MDH1B: variants seen among roughly 807,000 people sequenced by gnomAD.
MDH1B encodes the protein malate dehydrogenase 1B.
A neutral mutation model predicts 61.4 loss-of-function variants in MDH1B; 60 were observed. That is an observed-to-expected ratio of 0.98 (90% CI 0.79 to 1.21). MDH1B has a LOEUF of 1.21. Among genes scored for constraint, MDH1B ranks in the 50% most tolerant of loss-of-function variants. MDH1B has a pLI of 0.00. For synonymous variants in MDH1B, 236 were observed against 218.7 expected (o/e 1.08, Z -0.70); for missense variants, 587 against 632.1 (o/e 0.93, Z 0.76).
chr2:206,745,730 CTTTTTTTTTTTT>C (rs140066038), intron 8 of MDH1B, 57 bp from the exon 9 acceptor site: 24 of 748,574 alleles, frequency 3.2e-5, no homozygotes, highest in Non-Finnish European at 4.7e-5. Context: ...CTTAATTCTT[CTTTTTTTTTTTT>C]TTTTTTTTGA....
chr2:206,751,476 T>C (rs1178504328), intron 5 of MDH1B, among the ~76,000 whole-genome samples: 2 of 152,174 alleles, frequency 1.3e-5, no homozygotes, highest in Non-Finnish European at 2.9e-5. Flanking sequence ...CTTTGGTTTT[T>C]CACAAGGAGT....
rs1224981978 is a variant in MDH1B at position 206,757,252 on chromosome 2, G to A, written c.255C>T (p.Phe85=). Residue 85 remains phenylalanine, a synonymous_variant, in exon 3 of 12, where the codon TTC becomes TTT. Transcript: ENST00000374412. ...KGLLLGGYNE[F]LEHAQLYYDV... Reference sequence around the variant, plus strand: ...ACTTATATACCTGAGCATGCTCCAGGAACTCATTATATCCTCCCAAAAGCA... The same window carrying A: ...ACTTATATACCTGAGCATGCTCCAGAAACTCATTATATCCTCCCAAAAGCA... 29 of 1,613,688 alleles carry A rather than the reference G, an allele frequency of 1.8e-5. No individual in the cohort carries two copies. The highest frequency in any genetic ancestry group is 2.5e-5 in the Non-Finnish European group (29 of 1,179,692).
intron 7 of MDH1B, among the ~76,000 whole-genome samples, chr2:206,747,983 A>G (rs1270714077): frequency 6.6e-6 from 1 of 152,196 alleles, no homozygotes; most frequent in Non-Finnish European, 1.5e-5. Context: ...TCTGGGAGTG[A>G]ATTAGCTTGC....
chr2:206,746,563 C>A (rs1688124500), intron 7 of MDH1B, 137 bp from the exon 8 acceptor site: 6 of 1,003,374 alleles, frequency 6.0e-6, no homozygotes, highest in Non-Finnish European at 8.3e-6. Flanking sequence ...TCTCGGAATT[C>A]TTCTCCAAAG....
At chr2:206,757,107 A>T in intron 3 of MDH1B, 67 bp from the exon 4 acceptor site, 1 of 1,559,058 alleles carries the variant, frequency 6.4e-7, no homozygotes, top group Non-Finnish European at 8.7e-7. Context: ...GCTATAATGG[A>T]AAGTTTTTGT....
At chr2:206,745,251 CAG>C (rs1004576043) in intron 9 of MDH1B, 2 of 370,178 alleles carry the variant, frequency 5.4e-6, no homozygotes, top group East Asian at 7.7e-5. Context: ...CTCAAGCCTT[CAG>C]AGAGAGTGTG....
Position 206,749,023 on chromosome 2 carries a change from C to T in MDH1B, c.1213G>A (p.Glu405Lys). 1 of 1,612,220 alleles carries T rather than the reference C, an allele frequency of 6.2e-7. No individual in the cohort carries two copies. Among genetic ancestry groups the T allele is most frequent in the Non-Finnish European group, 8.5e-7 (1 of 1,179,268 alleles). The change falls in exon 7 of 12, where the codon GAA (glutamate) becomes AAA (lysine). Residue 405 changes from glutamate to lysine, a missense_variant. Glu to Lys is a moderately conservative substitution (Grantham distance 56). Transcript: ENST00000374412. ...GATATGAAAAACCCAGATTTACCTTCACTCAATATTCCTAAAGATACAATC... is the reference window on the plus strand; with the variant it reads ...GATATGAAAAACCCAGATTTACCTTTACTCAATATTCCTAAAGATACAATC... ...GEIVSLGILS[E>K]GQFGIPKGIV... is the part of the protein sequence containing the mutation.
chr2:206,760,967 G>A lies in MDH1B; in HGVS notation c.69C>T (p.Asp23=). The A allele has an allele frequency of 6.2e-7, 1 of 1,612,648 alleles. No individual in the cohort carries two copies. Among genetic ancestry groups the A allele is most frequent in the Non-Finnish European group, 8.5e-7 (1 of 1,178,956 alleles). The stretch of plus-strand genomic sequence containing the variant: ...AATCAGGAAGATTCTTTTGTAAATA[G>A]TCTGCCACAAGTTCTGTTTTAGCAT... The part of the protein sequence containing the change: ...PYYAKTELVA[D]YLQKNLPDFR... The change falls in exon 2 of 12, where the codon GAC becomes GAT. Residue 23 remains aspartate, a synonymous_variant. Coordinates refer to ENST00000374412, the MANE Select transcript of MDH1B (RefSeq NM_001039845.3).
chr2:206,744,176 C>T (rs538346280), intron 9 of MDH1B, among the ~76,000 whole-genome samples: 13 of 152,178 alleles, frequency 8.5e-5, no homozygotes, highest in Admixed American at 2.6e-4. Context: ...CCCTTCTATC[C>T]GCAGGCATGA....
chr2:206,743,281 T>A (rs1346447291), intron 9 of MDH1B, among the ~76,000 whole-genome samples: 2 of 152,224 alleles, frequency 1.3e-5, no homozygotes, highest in Admixed American at 1.3e-4. Flanking sequence ...TTTTCAGGTA[T>A]CATTTTATCT....
chr2:206,740,863 A>T (rs747890925), intron 10 of MDH1B, among the ~76,000 whole-genome samples, 191 bp downstream of exon 10: 3 of 152,200 alleles, frequency 2.0e-5, no homozygotes, highest in Non-Finnish European at 2.9e-5. Context: ...ACAAGGAAGC[A>T]GTTTTAGTGC....
At chr2:206,744,844 G>C (rs537672996) in intron 9 of MDH1B, among the ~76,000 whole-genome samples, 1 of 152,058 alleles carries the variant, frequency 6.6e-6, no homozygotes, top group Non-Finnish European at 1.5e-5. Flanking sequence ...AGAATCGCTC[G>C]TACCTGGGAG....
At chr2:206,744,793 T>G (rs1317612113) in intron 9 of MDH1B, among the ~76,000 whole-genome samples, 1 of 151,848 alleles carries the variant, frequency 6.6e-6, no homozygotes, top group African/African-American at 2.4e-5. Context: ...GGCATGGTGG[T>G]GTGCACCTGT....
At position 206,745,688 on chromosome 2, in the gene MDH1B, T is replaced by C. The variant is rs376294192; in HGVS notation, c.1357-15A>G. The C allele has an allele frequency of 1.2e-4, 187 of 1,579,576 alleles. No individual in the cohort carries two copies. The highest frequency in any genetic ancestry group is 1.4e-4 in the Non-Finnish European group (165 of 1,151,098). ...ACAAGTTTCTCCTGTTGAAATTTTA[T>C]AATCACAGAATTAAATGACCACAAT... is the stretch of plus-strand genomic sequence containing the variant. On this transcript the variant is annotated splice_polypyrimidine_tract_variant and intron_variant, in intron 8 of 11. Transcript: ENST00000374412.
chr2:206,764,213 G>A (rs1294363165), intron 1 of MDH1B, among the ~76,000 whole-genome samples: 1 of 151,648 alleles, frequency 6.6e-6, no homozygotes, highest in Non-Finnish European at 1.5e-5. Context: ...TGGGAGGATC[G>A]CTTGAGCCCA....
intron 7 of MDH1B, among the ~76,000 whole-genome samples, chr2:206,747,754 G>A (rs989647061): frequency 2.6e-5 from 4 of 152,168 alleles, no homozygotes; most frequent in Non-Finnish European, 4.4e-5. Flanking sequence ...ATTCTGACAT[G>A]GGGGATTTGG....
chr2:206,762,610 G>A (rs960499061), intron 1 of MDH1B, among the ~76,000 whole-genome samples: 1 of 152,110 alleles, frequency 6.6e-6, no homozygotes, highest in African/African-American at 2.4e-5. Flanking sequence ...TCTAGCTATT[G>A]CCTTTCGTAT....
intron 6 of MDH1B, 66 bp from the exon 7 acceptor site, chr2:206,749,249 T>C: frequency 7.0e-7 from 1 of 1,419,688 alleles, no homozygotes; most frequent in Non-Finnish European, 9.8e-7. Flanking sequence ...GGATGTTCCC[T>C]GGCTCAGTGG....
In MDH1B at chr2:206,755,063, C is replaced by A. The variant is rs1320097300; in HGVS notation, c.856G>T (p.Val286Leu). 1.9e-6 allele frequency: 3 copies of A among 1,614,162 alleles called. No individual in the cohort carries two copies. Among genetic ancestry groups the A allele is most frequent in the Admixed American group, 1.7e-5 (1 of 60,026 alleles). Residue 286 changes from valine to leucine, a missense_variant, in exon 5 of 12, where the codon GTG becomes TTG. By Grantham distance (32) the Val-to-Leu change is conservative. Coordinates refer to ENST00000374412, the MANE Select transcript of MDH1B (RefSeq NM_001039845.3). ...AGTATGGCTTTCGCTTCACCTTCCA[C>A]CCCCAGCGCCACAGCAATAATGTTG... ...AHNIIAVALG[V>L]EGEAKAILAR...
Sources: allele counts gnomAD v4.1 joint callset (sites outside exome capture counted in the v4.1 genomes callset), GRCh38; gene constraint gnomAD v4.1.1; transcripts MANE v1.5; gene names NCBI Gene and HGNC (gene_info 2026-07-23, HGNC 2026-07-21).